PCDHGA8: variants seen among roughly 807,000 people sequenced by gnomAD.
PCDHGA8 encodes protocadherin gamma subfamily A, 8, also known as protocadherin gamma-A8.
A neutral mutation model predicts 59.2 loss-of-function variants in PCDHGA8; 45 were observed. The ratio of observed to expected loss-of-function variants is 0.76; its 90% CI spans 0.60 to 0.98. The LOEUF (loss-of-function observed/expected upper bound fraction) is 0.98. Among genes scored for constraint, PCDHGA8 ranks in the 50% least tolerant of loss-of-function variants. The pLI, the probability that PCDHGA8 is intolerant of heterozygous loss-of-function variation, is 0.00. For synonymous variants in PCDHGA8, 531 were observed against 519.0 expected, an observed-to-expected ratio of 1.02 and a Z score of -0.32; for missense variants, 1,257 against 1,196.2, an observed-to-expected ratio of 1.05 and a Z score of -0.75.
chr5:141,489,013 C>T lies in PCDHGA8; in HGVS notation c.2425-5794C>T, dbSNP rs533320646. ...AGGTGGGAGATCTGCTCTTCCAGCC[C>T]GCCTCTCCTCCTCCAGCTCCCCAGC... On this transcript the variant is annotated intron_variant, in intron 1 of 3. Coordinates refer to ENST00000398604, the MANE Select transcript of PCDHGA8 (RefSeq NM_032088.2). The surrounding 1 kb of genome is among the most constrained non-coding windows in gnomAD (Gnocchi z 4.5). 4.6e-5 allele frequency: 20 copies of T among 438,612 alleles called. No homozygotes were observed. Among genetic ancestry groups the T allele is most frequent in the East Asian group, 2.7e-4 (8 of 29,802 alleles). The allele number at this position is 438,612 out of a possible 1,614,324, so 27.2% of individuals were successfully genotyped here.
rs768648952 is a variant in PCDHGA8 at position 141,477,230 on chromosome 5, G to C, written c.2425-17577G>C. 6.2e-7 allele frequency: 1 copy of C among 1,614,046 alleles called. No homozygotes were observed. Among genetic ancestry groups the C allele is most frequent in the East Asian group, 2.2e-5 (1 of 44,890 alleles). ...GGATGCCCCTCTGGGGACTGTCATC[G>C]CTTTGCTCAGTGTGACTGACCTGGA... On this transcript the variant is annotated intron_variant, in intron 1 of 3. Transcript: ENST00000398604. The surrounding 1 kb of genome is among the most constrained non-coding windows in gnomAD (Gnocchi z 4.9).
chr5:141,419,659 C>T (rs930108720), intron 1 of PCDHGA8: 2 of 1,612,608 alleles, frequency 1.2e-6, no homozygotes, highest in East Asian at 4.5e-5. Flanking sequence ...ACTCGGGGCA[C>T]AATGCCTGGC....
rs1006751011 is a variant in PCDHGA8, at chr5:141,431,033, C to T, written c.2424+35796C>T. ...CTTGGTCACGGCGGGCAGGATAGAC[C>T]GGGAGGAGCTCTGTATGGGGGCCAT... On this transcript the variant is annotated intron_variant, in intron 1 of 3. Coordinates refer to ENST00000398604, the MANE Select transcript of PCDHGA8 (RefSeq NM_032088.2). This position sits in a 1 kb window ranked among gnomAD's most constrained non-coding sequence, Gnocchi z 4.8. 1.2e-6 allele frequency: 2 copies of T among 1,613,864 alleles called. No homozygotes were observed. The highest frequency in any genetic ancestry group is 1.3e-5 in the African/African-American group (1 of 74,924).
At chr5:141,423,669 T>C in intron 1 of PCDHGA8, 1 of 1,554,480 alleles carries the variant, frequency 6.4e-7, no homozygotes, top group Non-Finnish European at 8.7e-7. Flanking sequence ...AGGTGAGATT[T>C]ATTTCTCTGC....
chr5:141,398,476 T>C (rs756685671), intron 1 of PCDHGA8: 1 of 1,607,694 alleles, frequency 6.2e-7, no homozygotes. Flanking sequence ...ACTGAACTTT[T>C]ATCACGTGAA....
At chr5:141,421,979 G>A in intron 1 of PCDHGA8, 1 of 1,609,702 alleles carries the variant, frequency 6.2e-7, no homozygotes, top group Non-Finnish European at 8.5e-7. Context: ...TATCGCGTGA[G>A]TGTTCCAGAA....
At chr5:141,420,883 C>A (rs992351503) in intron 1 of PCDHGA8, among the ~76,000 whole-genome samples, 1 of 152,216 alleles carries the variant, frequency 6.6e-6, no homozygotes, top group Non-Finnish European at 1.5e-5. Context: ...TATTGTGTAT[C>A]ATCGTTTTTA....
intron 2 of PCDHGA8, among the ~76,000 whole-genome samples, chr5:141,500,194 T>G (rs994324188): frequency 2.1e-4 from 31 of 147,918 alleles, no homozygotes; most frequent in African/African-American, 7.7e-4. Context: ...TTTTATTTAT[T>G]TATTTATTTA....
chr5:141,466,494 G>C (rs1186331329), intron 1 of PCDHGA8, among the ~76,000 whole-genome samples: 4 of 152,134 alleles, frequency 2.6e-5, no homozygotes. Context: ...TCTTTAATTA[G>C]AGCACAGACA....
Position 141,476,279 on chromosome 5 carries a change from G to T in PCDHGA8, c.2425-18528G>T. The T allele has an allele frequency of 6.2e-7, 1 of 1,614,148 alleles. No individual in the cohort carries two copies. Among genetic ancestry groups the T allele is most frequent in the Non-Finnish European group, 8.5e-7 (1 of 1,180,024 alleles). On this transcript the variant is annotated intron_variant, in intron 1 of 3. Coordinates refer to ENST00000398604, the MANE Select transcript of PCDHGA8 (RefSeq NM_032088.2). This position sits in a 1 kb window ranked among gnomAD's most constrained non-coding sequence, Gnocchi z 7.6. ...TGTGGGCAACGTGGTCGCGAACCTT[G>T]GTTTGGATCTCGGTAGCCTCTCAGC...
At chr5:141,422,965 C>T (rs2096693602) in intron 1 of PCDHGA8, 2 of 1,614,116 alleles carry the variant, frequency 1.2e-6, no homozygotes, top group African/African-American at 2.7e-5. Context: ...GGAGCTGGCG[C>T]CCCGCTCTGC....
rs368927472 is a variant in PCDHGA8 at position 141,490,874 on chromosome 5, A to G, written c.2425-3933A>G. The G allele has an allele frequency of 2.4e-5, 39 of 1,613,830 alleles. No individual in the cohort carries two copies. Among genetic ancestry groups the G allele is most frequent in the Non-Finnish European group, 3.1e-5 (36 of 1,179,960 alleles). ...CGAGACTCCGGCTCTCCCCCATTGCATGCCAACACATCTCTGCATGTGTTT... is the reference window on the plus strand; with the variant it reads ...CGAGACTCCGGCTCTCCCCCATTGCGTGCCAACACATCTCTGCATGTGTTT... On this transcript the variant is annotated intron_variant, in intron 1 of 3. Transcript: ENST00000398604. This position sits in a 1 kb window ranked among gnomAD's most constrained non-coding sequence, Gnocchi z 5.4.
At chr5:141,403,168 G>T in intron 1 of PCDHGA8, 14 of 1,614,032 alleles carry the variant, frequency 8.7e-6, no homozygotes, top group African/African-American at 1.3e-5. Flanking sequence ...GAGGTAGGAC[G>T]CAGCTTTTCT....
chr5:141,422,150 T>A (rs773805631), intron 1 of PCDHGA8: 1 of 1,577,174 alleles, frequency 6.3e-7, no homozygotes, highest in Non-Finnish European at 8.6e-7. Context: ...CGGGGGTCTC[T>A]GGATTTTGAA....
At chr5:141,483,187 GTTT>G (rs899657161) in intron 1 of PCDHGA8, among the ~76,000 whole-genome samples, 2 of 152,172 alleles carry the variant, frequency 1.3e-5, no homozygotes, top group African/African-American at 4.8e-5. Flanking sequence ...AAGCCAAGGA[GTTT>G]TTATTTTATT....
chr5:141,420,199 C>T (rs764130526), intron 1 of PCDHGA8: 12 of 1,613,362 alleles, frequency 7.4e-6, no homozygotes, highest in Non-Finnish European at 1.0e-5. Context: ...CACAAGATAA[C>T]CTCAACAAAG....
At chr5:141,408,851 G>A in intron 1 of PCDHGA8, 1 of 1,613,574 alleles carries the variant, frequency 6.2e-7, no homozygotes, top group Non-Finnish European at 8.5e-7. Context: ...TGCCTTGGAC[G>A]GAGGGGACCC....
intron 1 of PCDHGA8, chr5:141,398,610 T>C: frequency 6.2e-7 from 1 of 1,614,020 alleles, no homozygotes. Context: ...AAGATGCAGA[T>C]ATTGGCTTAA....
At position 141,393,367 on chromosome 5, in the gene PCDHGA8, G is replaced by T; in HGVS notation, c.554G>T (p.Gly185Val). 1 of 1,613,962 alleles carries T rather than the reference G, an allele frequency of 6.2e-7. No individual in the cohort carries two copies. The highest frequency in any genetic ancestry group is 1.1e-5 in the South Asian group (1 of 91,088). The stretch of plus-strand genomic sequence containing the variant: ...CACTTCTCCCTGGACGTGCAGACTG[G>T]AGACAATGGAGCCATAAACCCAGAG... ...NHHFSLDVQT[G>V]DNGAINPELV... The change falls in exon 1 of 4, where the codon GGA becomes GTA. Residue 185 changes from glycine to valine, a missense_variant. Coordinates refer to ENST00000398604, the MANE Select transcript of PCDHGA8 (RefSeq NM_032088.2).
Sources: gnomAD v4.1 joint callset for allele counts (sites outside exome capture counted in the v4.1 genomes callset) on GRCh38, gnomAD v4.1.1 for gene constraint, Gnocchi (gnomAD v3.1) non-coding constraint, MANE v1.5 for transcripts, NCBI Gene and HGNC (gene_info 2026-07-23, HGNC 2026-07-21) for gene names.